BBS4: variants seen among roughly 807,000 people sequenced by gnomAD.
BBS4 encodes Bardet-Biedl syndrome 4.
In BBS4, 58 loss-of-function variants were observed where a neutral mutation model predicts 71.4. That is an observed-to-expected ratio of 0.81 (90% confidence interval 0.66 to 1.01). BBS4 has a LOEUF of 1.01. BBS4 is among the 50% of genes least tolerant of loss of function. The pLI, the probability that BBS4 is intolerant of heterozygous loss-of-function variation, is 0.00. For missense variants in BBS4, 660 were observed against 607.9 expected (o/e 1.09, Z -0.90); for synonymous variants, 228 against 216.8 (o/e 1.05, Z -0.46).
intron 2 of BBS4, among the ~76,000 whole-genome samples, chr15:72,699,239 A>G (rs1395816490): frequency 1.3e-5 from 2 of 151,598 alleles, no homozygotes; most frequent in African/African-American, 4.9e-5. Context: ...GGTGCCCACC[A>G]CCATGCCTGG....
Position 72,689,028 on chromosome 15 carries a change from GA to G in BBS4, c.24+2790del, listed in dbSNP as rs539217064. On this transcript the variant is annotated intron_variant, in intron 1 of 15. Coordinates refer to ENST00000268057, the MANE Select transcript of BBS4 (RefSeq NM_033028.5). ...AAACCTCCATTCCTAAACTCAGAAA[GA>G]AAAAAAAAAAAAGAGAATGTTACGA... Among the ~76,000 whole-genome samples the G allele has an allele frequency of 5.0e-3, 658 of 130,482 alleles. 1 individual carries two copies. Among genetic ancestry groups the G allele is most frequent in the African/African-American group, 0.016 (568 of 35,424 alleles). The allele number at this position is 130,482 out of a possible 152,430, so 85.6% of individuals were successfully genotyped here.
intron 2 of BBS4, chr15:72,697,994 G>A (rs1246653717): frequency 2.2e-6 from 1 of 455,840 alleles, no homozygotes; most frequent in Non-Finnish European, 4.4e-6. Context: ...AACCTTAGGT[G>A]ACTTTCTTCT....
rs1032568990 is a variant in BBS4 at position 72,737,818 on chromosome 15, G to A, written c.*231G>A. On this transcript the variant is annotated 3_prime_UTR_variant, in exon 16 of 16. Transcript: ENST00000268057. ...CCAGGAAAAGTGAAAAGAGAACACA[G>A]TTCCTTTAAGAACTGGCAGCAAGGC... 1.6e-5 allele frequency: 9 copies of A among 547,284 alleles called. No homozygotes were observed. The highest frequency in any genetic ancestry group is 3.1e-5 in the Non-Finnish European group (9 of 287,620). 33.9% of individuals were successfully genotyped at this position (547,284 alleles called of 1,614,324 possible).
intron 2 of BBS4, among the ~76,000 whole-genome samples, chr15:72,703,703 A>C (rs887260802): frequency 7.2e-5 from 11 of 152,198 alleles, no homozygotes; most frequent in Non-Finnish European, 1.3e-4. Context: ...TACGTGCTAC[A>C]TGTCTGCTAG....
At chr15:72,697,191 C>G (rs1001972960) in intron 2 of BBS4, among the ~76,000 whole-genome samples, 3 of 152,154 alleles carry the variant, frequency 2.0e-5, no homozygotes, top group African/African-American at 4.8e-5. Context: ...CTTTGGCCCC[C>G]CAAAGTACTG....
chr15:72,724,466 A>T, intron 7 of BBS4, 62 bp from the exon 8 acceptor site: 3 of 1,604,894 alleles, frequency 1.9e-6, no homozygotes, highest in Non-Finnish European at 2.6e-6. Context: ...CATTAGCCAT[A>T]TAAAGGTATA....
At chr15:72,727,900 A>G (rs1005810413) in intron 8 of BBS4, 40 bp from the exon 9 acceptor site, 2 of 1,499,386 alleles carry the variant, frequency 1.3e-6, no homozygotes, top group Non-Finnish European at 1.9e-6. Context: ...CGTGTTTCTC[A>G]TCTACATCTT....
intron 8 of BBS4, among the ~76,000 whole-genome samples, chr15:72,725,700 C>T (rs1477228456): frequency 1.5e-5 from 2 of 132,296 alleles, no homozygotes; most frequent in East Asian, 2.5e-4. Flanking sequence ...CCGTTTTCCC[C>T]TTCCCTTTCC....
At position 72,710,195 on chromosome 15, in the gene BBS4, G is replaced by GTTC. The variant is rs1239689474; in HGVS notation, c.156+418_156+419insCTT. ...TAGATGAAAAATGGTATTTTGTCGA[G>GTTC]TTTTTTTTTTTTTTTTTTTTTTTTT... On this transcript the variant is annotated intron_variant, in intron 3 of 15. Coordinates refer to ENST00000268057, the MANE Select transcript of BBS4 (RefSeq NM_033028.5). Among the ~76,000 whole-genome samples, 221 of 103,432 alleles carry GTTC rather than the reference G, an allele frequency of 2.1e-3. 43 individuals are homozygous for GTTC. The highest frequency in any genetic ancestry group is 0.01 in the Middle Eastern group (1 of 96). The allele number at this position is 103,432 out of a possible 152,430, so 67.9% of individuals were successfully genotyped here.
intron 8 of BBS4, 112 bp downstream of exon 8, chr15:72,724,767 G>A (rs1426460361): frequency 5.0e-6 from 7 of 1,407,664 alleles, no homozygotes; most frequent in African/African-American, 2.9e-5. Flanking sequence ...TACTGTATGA[G>A]TTAAAGGTTA....
chr15:72,737,087 AGGGG>A lies in BBS4; in HGVS notation c.1450+125_1450+128del. On this transcript the variant is annotated intron_variant, in intron 15 of 15. Coordinates refer to ENST00000268057, the MANE Select transcript of BBS4 (RefSeq NM_033028.5). The stretch of plus-strand genomic sequence containing the variant: ...TATGTCCAACGTAGTATTGGCCACA[AGGGG>A]AGAAAAAAAACACAGGGTGGCTAAA... 3.3e-6 allele frequency: 4 copies of A among 1,227,286 alleles called. No homozygotes were observed. The Admixed American group carries it at 5.6e-5, about 17-fold the overall frequency. 76.0% of individuals were successfully genotyped at this position (1,227,286 alleles called of 1,614,324 possible).
At chr15:72,729,410 C>T (rs1281615330) in intron 9 of BBS4, among the ~76,000 whole-genome samples, 1 of 151,844 alleles carries the variant, frequency 6.6e-6, no homozygotes, top group Non-Finnish European at 1.5e-5. Flanking sequence ...GCCACCATGC[C>T]TGGGTAATTT....
At chr15:72,687,219 A>C (rs1247114789) in intron 1 of BBS4, among the ~76,000 whole-genome samples, 2 of 142,252 alleles carry the variant, frequency 1.4e-5, no homozygotes, top group African/African-American at 5.1e-5. Flanking sequence ...CCCAGGTTCC[A>C]GCAATTCTCC....
intron 15 of BBS4, 90 bp from the exon 16 acceptor site, chr15:72,737,388 G>C: frequency 9.0e-7 from 1 of 1,114,286 alleles, no homozygotes; most frequent in East Asian, 2.6e-5. Context: ...CAGAAAATAT[G>C]GGGTTTCCTC....
At chr15:72,724,706 G>T in intron 8 of BBS4, 51 bp downstream of exon 8, 1 of 1,605,682 alleles carries the variant, frequency 6.2e-7, no homozygotes, top group Non-Finnish European at 8.5e-7. Context: ...AAAATTGAGT[G>T]GATATGTGAA....
chr15:72,702,731 TCCTGGG>T (rs892291058), intron 2 of BBS4, among the ~76,000 whole-genome samples: 1 of 149,366 alleles, frequency 6.7e-6, no homozygotes, highest in Non-Finnish European at 1.5e-5. Flanking sequence ...TTTCTCTTGA[TCCTGGG>T]CCTGTTCGCC....
At chr15:72,722,992 T>C in intron 7 of BBS4, 145 bp downstream of exon 7, 1 of 707,076 alleles carries the variant, frequency 1.4e-6, no homozygotes, top group East Asian at 2.7e-5. Context: ...TTTTTCTGTT[T>C]TAATTCTCAC....
chr15:72,686,904 G>C (rs1452549478), intron 1 of BBS4: 2 of 264,888 alleles, frequency 7.6e-6, no homozygotes, highest in Non-Finnish European at 1.5e-5. Flanking sequence ...AGCCTGTTCT[G>C]TCCATTTGTT....
chr15:72,712,708 G>A (rs748633786), intron 4 of BBS4, among the ~76,000 whole-genome samples: 22 of 152,174 alleles, frequency 1.4e-4, no homozygotes, highest in Non-Finnish European at 2.4e-4. Context: ...GGATGGACTG[G>A]AAGTTGCTCT....
Sources: gnomAD v4.1 joint callset for allele counts (sites outside exome capture counted in the v4.1 genomes callset) on GRCh38, gnomAD v4.1.1 for gene constraint, MANE v1.5 for transcripts, NCBI Gene and HGNC (gene_info 2026-07-23, HGNC 2026-07-21) for gene names.